ADAMTSL1: variants seen among roughly 807,000 people sequenced by gnomAD.
ADAMTSL1 encodes ADAMTS-like protein 1.
Under a neutral mutation model 201.8 loss-of-function variants are expected in ADAMTSL1, and 126 were observed. The observed-to-expected ratio is 0.62, with a 90% CI of 0.54 to 0.72. ADAMTSL1 has a LOEUF of 0.72. Among genes scored for constraint, ADAMTSL1 ranks in the 30% least tolerant of loss-of-function variants. ADAMTSL1 has a pLI of 0.00. For synonymous variants in ADAMTSL1, 1,121 were observed against 903.4 expected, an observed-to-expected ratio of 1.24 and a Z score of -4.32; for missense variants, 2,679 against 2,277.8, an observed-to-expected ratio of 1.18 and a Z score of -3.59.
chr9:18,390,290 A>C (rs1837989673), intron 2 of ADAMTSL1, among the ~76,000 whole-genome samples: 1 of 152,158 alleles, frequency 6.6e-6, no homozygotes, highest in Non-Finnish European at 1.5e-5. Flanking sequence ...ATTTTCCTCC[A>C]GGTAATCATG....
chr9:18,363,808 AG>A (rs1352628476), intron 2 of ADAMTSL1, among the ~76,000 whole-genome samples: 1 of 152,208 alleles, frequency 6.6e-6, no homozygotes, highest in Non-Finnish European at 1.5e-5. Flanking sequence ...AGAACAAATG[AG>A]AGAGGGAAAT....
At chr9:18,577,955 T>G (rs983080501) in intron 4 of ADAMTSL1, among the ~76,000 whole-genome samples, 1 of 151,816 alleles carries the variant, frequency 6.6e-6, no homozygotes, top group African/African-American at 2.4e-5. Flanking sequence ...ATAGTTTGTC[T>G]TATGAGAAAG....
chr9:18,691,584 G>T (rs1831217876), intron 13 of ADAMTSL1, among the ~76,000 whole-genome samples: 2 of 152,180 alleles, frequency 1.3e-5, no homozygotes, highest in African/African-American at 2.4e-5. Context: ...GGTGAGGGGT[G>T]AGTCTCTGTA....
intron 10 of ADAMTSL1, among the ~76,000 whole-genome samples, chr9:18,679,790 A>C (rs1587875667): frequency 6.6e-6 from 1 of 152,194 alleles, no homozygotes; most frequent in African/African-American, 2.4e-5. Context: ...GAAGCAAAGG[A>C]GAGTCTTTTG....
At chr9:17,986,345 C>G (rs965356387) in intron 1 of ADAMTSL1, among the ~76,000 whole-genome samples, 3 of 151,986 alleles carry the variant, frequency 2.0e-5, no homozygotes, top group Admixed American at 6.6e-5. Flanking sequence ...TAAAGGCTGA[C>G]CCATTCATTC....
intron 23 of ADAMTSL1, among the ~76,000 whole-genome samples, chr9:18,840,389 A>T (rs1825638725): frequency 6.6e-6 from 1 of 152,006 alleles, no homozygotes; most frequent in Non-Finnish European, 1.5e-5. Flanking sequence ...TGTTCCATTG[A>T]TCTATATCTC....
chr9:18,661,356 G>A (rs985973434), intron 8 of ADAMTSL1, among the ~76,000 whole-genome samples: 3 of 152,090 alleles, frequency 2.0e-5, no homozygotes, highest in African/African-American at 7.2e-5. Context: ...AACAGGATTC[G>A]TGATGTCTAC....
chr9:18,886,164 G>GTATATA (rs773443727), intron 23 of ADAMTSL1, among the ~76,000 whole-genome samples: 28 of 62,200 alleles, frequency 4.5e-4, no homozygotes, highest in East Asian at 1.5e-3. Context: ...GAGTGTGTAT[G>GTATATA]TGTATATATA....
intron 1 of ADAMTSL1, among the ~76,000 whole-genome samples, chr9:17,922,863 G>T (rs975860461): frequency 6.6e-6 from 1 of 152,138 alleles, no homozygotes; most frequent in African/African-American, 2.4e-5. Flanking sequence ...CAGATGTTTA[G>T]GAATAGCCTC....
At chr9:18,781,387 G>C (rs1298816254) in intron 19 of ADAMTSL1, among the ~76,000 whole-genome samples, 1 of 152,158 alleles carries the variant, frequency 6.6e-6, no homozygotes, top group Non-Finnish European at 1.5e-5. Flanking sequence ...ATGTGGTAAG[G>C]AAAAATAAGA....
Position 18,884,577 on chromosome 9 carries a change from G to GTTAA in ADAMTSL1, c.4250-3251_4250-3248dup, listed in dbSNP as rs770906745. ...GGTTTAGGTCTTTCATCCATTTTGA[G>GTTAA]TTAATTTTTATATATAGTGTAAGTC... On this transcript the variant is annotated intron_variant, in intron 23 of 28. Coordinates refer to ENST00000380548, the MANE Select transcript of ADAMTSL1 (RefSeq NM_001040272.6). 8.6e-5 allele frequency among the ~76,000 whole-genome samples: 13 copies of GTTAA among 152,034 alleles called. 1 individual carries two copies. The highest frequency in any genetic ancestry group is 7.2e-4 in the Admixed American group (11 of 15,276).
intron 3 of ADAMTSL1, among the ~76,000 whole-genome samples, chr9:18,549,668 A>C (rs551342043): frequency 6.6e-6 from 1 of 152,078 alleles, no homozygotes; most frequent in South Asian, 2.1e-4. Flanking sequence ...GTTAGACATG[A>C]CCACATATGT....
At chr9:18,530,322 A>G (rs1467466600) in intron 2 of ADAMTSL1, among the ~76,000 whole-genome samples, 7 of 152,136 alleles carry the variant, frequency 4.6e-5, no homozygotes, top group African/African-American at 1.7e-4. Flanking sequence ...AATTTTTTTC[A>G]TGGATATAAG....
chr9:18,667,436 G>A (rs1829518013), intron 9 of ADAMTSL1, among the ~76,000 whole-genome samples: 2 of 152,190 alleles, frequency 1.3e-5, no homozygotes, highest in South Asian at 2.1e-4. Context: ...TTTAGGAGTG[G>A]GAGCTTTGGC....
intron 9 of ADAMTSL1, among the ~76,000 whole-genome samples, chr9:18,666,644 T>C (rs564841085): frequency 1.9e-3 from 295 of 152,270 alleles, no homozygotes; most frequent in Non-Finnish European, 2.6e-3. Context: ...CTTACGCCAA[T>C]GGAAATATTT....
rs1024298060 is a variant in ADAMTSL1, at chr9:18,507,286, G to A, written c.191+2330G>A. Among the ~76,000 whole-genome samples the A allele has an allele frequency of 4.6e-5, 7 of 152,238 alleles. No individual in the cohort carries two copies. In the East Asian group the frequency reaches 5.8e-4, roughly 13 times the overall value. On this transcript the variant is annotated intron_variant, in intron 2 of 28. Transcript: ENST00000380548. The stretch of plus-strand genomic sequence containing the variant: ...GACCACATTAGCATATTACCTCTGC[G>A]CCCTAATGAGTTAAATCTTACAGCT...
At chr9:17,983,034 T>A (rs1818775944) in intron 1 of ADAMTSL1, among the ~76,000 whole-genome samples, 1 of 150,538 alleles carries the variant, frequency 6.6e-6, no homozygotes, top group South Asian at 2.1e-4. Context: ...TTTCAACTAT[T>A]TTTTTTTTCA....
chr9:18,421,213 A>G (rs1156318314), intron 2 of ADAMTSL1, among the ~76,000 whole-genome samples: 1 of 152,146 alleles, frequency 6.6e-6, no homozygotes, highest in East Asian at 1.9e-4. Flanking sequence ...ATCCTTGACT[A>G]TTTATAATAA....
chr9:18,869,549 G>A (rs1474800990), intron 23 of ADAMTSL1, among the ~76,000 whole-genome samples: 1 of 152,228 alleles, frequency 6.6e-6, no homozygotes, highest in Non-Finnish European at 1.5e-5. Context: ...ATAGCTGGAA[G>A]CAGTAAATTT....
Sources: allele counts gnomAD v4.1 joint callset (sites outside exome capture counted in the v4.1 genomes callset), GRCh38; gene constraint gnomAD v4.1.1; transcripts MANE v1.5; gene names NCBI Gene and HGNC (gene_info 2026-07-23, HGNC 2026-07-21).